ALOX5AP: variants seen among roughly 807,000 people sequenced by gnomAD.
The protein encoded by ALOX5AP is arachidonate 5-lipoxygenase-activating protein.
ALOX5AP carries 9 observed loss-of-function variants against 18.5 expected under a neutral mutation model. The ratio of observed to expected loss-of-function variants is 0.49; its 90% CI spans 0.29 to 0.85. ALOX5AP has a LOEUF of 0.85. ALOX5AP is among the 40% of genes least tolerant of loss of function. The pLI, the probability that ALOX5AP is intolerant of heterozygous loss-of-function variation, is 0.08. For missense variants in ALOX5AP, 172 were observed against 202.5 expected, an observed-to-expected ratio of 0.85 and a Z score of 0.91; for synonymous variants, 81 against 78.6, an observed-to-expected ratio of 1.03 and a Z score of -0.16.
rs534311856 is a variant in ALOX5AP at position 30,746,672 on chromosome 13, T to C, written c.170+2513T>C. Among the ~76,000 whole-genome samples, 3 of 152,300 alleles carry C rather than the reference T, an allele frequency of 2.0e-5. No homozygotes were observed. The East Asian group carries it at 5.8e-4, about 29-fold the overall frequency. ...CTTCTCCAGGGGCATCCAAGAGCAC[T>C]GAAAAGGGTTGCAAGATGACCCATG... On this transcript the variant is annotated intron_variant, in intron 2 of 4. Transcript: ENST00000380490.
intron 1 of ALOX5AP, among the ~76,000 whole-genome samples, chr13:30,714,566 G>A (rs1951534801): frequency 2.2e-5 from 3 of 137,594 alleles, no homozygotes; most frequent in South Asian, 2.7e-4. Flanking sequence ...TGGCAAGAGA[G>A]CTTGGTGGAG....
At chr13:30,716,940 C>T (rs1468888376) in intron 1 of ALOX5AP, among the ~76,000 whole-genome samples, 1 of 152,242 alleles carries the variant, frequency 6.6e-6, no homozygotes, top group Middle Eastern at 3.2e-3. Flanking sequence ...ACGGACAGCG[C>T]CACTCTCCTG....
chr13:30,750,130 T>C (rs1172023462), intron 2 of ALOX5AP, among the ~76,000 whole-genome samples: 1 of 152,194 alleles, frequency 6.6e-6, no homozygotes, highest in African/African-American at 2.4e-5. Context: ...AACATTTGCA[T>C]TTCTAACATG....
At chr13:30,744,437 G>T (rs543116588) in intron 2 of ALOX5AP, 1 of 317,164 alleles carries the variant, frequency 3.2e-6, no homozygotes, top group East Asian at 5.9e-5. Flanking sequence ...AGAGTCATTT[G>T]GTTAGAGAAG....
intron 4 of ALOX5AP, among the ~76,000 whole-genome samples, chr13:30,759,985 C>A (rs886838023): frequency 6.6e-6 from 1 of 152,120 alleles, no homozygotes; most frequent in African/African-American, 2.4e-5. Context: ...GTTTGGGAAT[C>A]GCTGAAGGCT....
chr13:30,738,024 C>T (rs1052330420), intron 1 of ALOX5AP, among the ~76,000 whole-genome samples: 3 of 152,156 alleles, frequency 2.0e-5, no homozygotes, highest in Non-Finnish European at 2.9e-5. Flanking sequence ...AAAAACCCTG[C>T]CTTTCTTCTT....
intron 2 of ALOX5AP, among the ~76,000 whole-genome samples, chr13:30,750,262 T>C (rs963263319): frequency 3.9e-5 from 6 of 152,206 alleles, no homozygotes; most frequent in Non-Finnish European, 5.9e-5. Context: ...GTTTTACAGA[T>C]AAGGAAACTA....
In ALOX5AP at chr13:30,713,816, AT is replaced by A; in HGVS notation, c.93del (p.Ile31MetfsTer4). ...GAAATCCTTTGGCACCTTGGGGCAC[AT>A]TGGGAACATAAGCCATCAGTGCTGG... On this transcript the variant is annotated frameshift_variant, in exon 1 of 6. Coordinates refer to the ALOX5AP transcript ENST00000617770. LOFTEE classifies it high-confidence loss of function. 6.5e-7 allele frequency: 1 copy of A among 1,535,038 alleles called. No homozygotes were observed. Among genetic ancestry groups the A allele is most frequent in the Non-Finnish European group, 8.7e-7 (1 of 1,146,754 alleles).
chr13:30,755,711 C>T (rs866159441), intron 3 of ALOX5AP, among the ~76,000 whole-genome samples: 1 of 152,220 alleles, frequency 6.6e-6, no homozygotes, highest in Admixed American at 6.5e-5. Context: ...GGGCCACGTG[C>T]GACCCGCAGG....
At chr13:30,730,366 AT>A (rs1951671664) in intron 1 of ALOX5AP, among the ~76,000 whole-genome samples, 1 of 152,246 alleles carries the variant, frequency 6.6e-6, no homozygotes, top group African/African-American at 2.4e-5. Context: ...CACAGACACC[AT>A]TGGCATGTGA....
Position 30,724,467 on chromosome 13 carries a change from C to T in ALOX5AP, c.116+10626C>T, listed in dbSNP as rs369238505. On this transcript the variant is annotated intron_variant, in intron 1 of 5. Coordinates refer to the ALOX5AP transcript ENST00000617770. ...AGTTCAGGCTGCTGGGCAACTTAGG[C>T]CTTAAGACACAACTCTGCCACTTAG... Among the ~76,000 whole-genome samples, 5 of 152,114 alleles carry T rather than the reference C, an allele frequency of 3.3e-5. No individual in the cohort carries two copies. In the East Asian group the frequency reaches 9.6e-4, roughly 29 times the overall value.
At chr13:30,732,438 A>T (rs147874994), upstream of ALOX5AP, among the ~76,000 whole-genome samples, 3 of 152,314 alleles carry the variant, frequency 2.0e-5, no homozygotes, top group East Asian at 5.8e-4. Flanking sequence ...GGAAATTTTA[A>T]TCTGGGGATT....
intron 2 of ALOX5AP, among the ~76,000 whole-genome samples, chr13:30,749,154 A>G (rs1445963914): frequency 6.6e-6 from 1 of 152,242 alleles, no homozygotes; most frequent in Non-Finnish European, 1.5e-5. Context: ...ATGTTTTATT[A>G]GGAACGAAGG....
intron 4 of ALOX5AP, among the ~76,000 whole-genome samples, chr13:30,759,864 C>G (rs940482651): frequency 6.6e-6 from 1 of 152,166 alleles, no homozygotes; most frequent in Admixed American, 6.5e-5. Context: ...GGGCCCCATC[C>G]CAGACTTATG....
chr13:30,735,540 T>C, upstream of ALOX5AP: 1 of 1,607,774 alleles, frequency 6.2e-7, no homozygotes, highest in Non-Finnish European at 8.5e-7. Flanking sequence ...TCACTTCCCC[T>C]TCCTGTACAG....
At chr13:30,735,755 T>C (rs1951716051) in intron 1 of ALOX5AP, 80 bp downstream of exon 1, 4 of 1,533,204 alleles carry the variant, frequency 2.6e-6, no homozygotes, top group Middle Eastern at 1.7e-4. Context: ...GCTTAAACAA[T>C]TGTGTCTGTG....
intron 1 of ALOX5AP, among the ~76,000 whole-genome samples, chr13:30,740,898 A>G (rs542448011): frequency 6.6e-6 from 1 of 152,146 alleles, no homozygotes; most frequent in South Asian, 2.1e-4. Context: ...GCAAGGAGGG[A>G]AAGAAGAGAG....
upstream of ALOX5AP, among the ~76,000 whole-genome samples, chr13:30,735,308 T>C (rs1951711410): frequency 6.6e-6 from 1 of 152,074 alleles, no homozygotes; most frequent in African/African-American, 2.4e-5. Flanking sequence ...TTCTGGAGAC[T>C]CTCAGGGAAG....
At chr13:30,738,379 A>C (rs898460821) in intron 1 of ALOX5AP, among the ~76,000 whole-genome samples, 3 of 152,262 alleles carry the variant, frequency 2.0e-5, no homozygotes, top group Non-Finnish European at 2.9e-5. Flanking sequence ...AACCTGGACC[A>C]GAACTATCAA....
Sources: gnomAD v4.1 joint callset for allele counts (sites outside exome capture counted in the v4.1 genomes callset) on GRCh38, gnomAD v4.1.1 for gene constraint, MANE v1.5 for transcripts, NCBI Gene and HGNC (gene_info 2026-07-23, HGNC 2026-07-21) for gene names.